Variants in CACNA1C observed in about 807,000 individuals in gnomAD.
CACNA1C encodes the protein voltage-dependent L-type calcium channel subunit alpha-1C.
A neutral mutation model predicts 229.0 loss-of-function variants in CACNA1C; 30 were observed. The observed-to-expected ratio is 0.13, with a 90% confidence interval of 0.10 to 0.18. The LOEUF (loss-of-function observed/expected upper bound fraction) is 0.18. Ranked by LOEUF, CACNA1C falls within the 10% of genes least tolerant of loss-of-function variation. The pLI, the probability that CACNA1C is intolerant of heterozygous loss-of-function variation, is 1.00. For synonymous variants in CACNA1C, 1,114 were observed against 1,132.5 expected (o/e 0.98, Z 0.33); for missense variants, 1,658 against 2,845.0 (o/e 0.58, Z 9.49).
rs531905361 is a variant in CACNA1C, at chr12:2,473,303, G to A, written c.758-12801G>A. Among the ~76,000 whole-genome samples, 18 of 152,178 alleles carry A rather than the reference G, an allele frequency of 1.2e-4. No homozygotes were observed. The East Asian group carries it at 3.3e-3, about 28-fold the overall frequency. On this transcript the variant is annotated intron_variant, in intron 5 of 46. Coordinates refer to ENST00000399655, the MANE Select transcript of CACNA1C (RefSeq NM_000719.7). ...ACTTCTAGGGCCCTGTATCTACCTC[G>A]CTGTCTCTTCTGGATGTCCCACCAC...
chr12:2,303,102 T>A (rs1416878931), intron 3 of CACNA1C, among the ~76,000 whole-genome samples: 1 of 152,264 alleles, frequency 6.6e-6, no homozygotes, highest in Non-Finnish European at 1.5e-5. Context: ...ATGTTCCCAG[T>A]CCAGAGGGAT....
At chr12:2,547,461 G>A in intron 9 of CACNA1C, 1 of 779,740 alleles carries the variant, frequency 1.3e-6, no homozygotes, top group Non-Finnish European at 2.4e-6. Flanking sequence ...AGGCACTCCG[G>A]CGGGCATGCT....
chr12:2,042,993 G>A (rs1052575297), intron 1 of CACNA1C, among the ~76,000 whole-genome samples: 54 of 152,306 alleles, frequency 3.5e-4, no homozygotes, highest in African/African-American at 1.3e-3. Flanking sequence ...AGAGGAAGAC[G>A]TGTTTTGGGG....
chr12:2,042,727 C>T (rs1010829402), intron 1 of CACNA1C, among the ~76,000 whole-genome samples: 2 of 152,218 alleles, frequency 1.3e-5, no homozygotes, highest in Non-Finnish European at 1.5e-5. Context: ...GCTCCAGGCT[C>T]TGCCCCGGGT....
intron 1 of CACNA1C, among the ~76,000 whole-genome samples, chr12:2,028,483 C>T (rs2047693916): frequency 6.6e-6 from 1 of 152,156 alleles, no homozygotes; most frequent in Non-Finnish European, 1.5e-5. Flanking sequence ...GAATACAGAT[C>T]TTCTATCAGT....
rs192139902 is a variant in CACNA1C, at chr12:1,984,662, A to G, written c.139+13461A>G. On this transcript the variant is annotated intron_variant, in intron 1 of 46. Transcript: ENST00000682462. ...AAATAAATCTTTTGTAATTACCCGTATATTTACTATTTCTGTTGTTCCTAC... is the reference window on the plus strand; with the variant it reads ...AAATAAATCTTTTGTAATTACCCGTGTATTTACTATTTCTGTTGTTCCTAC... Among the ~76,000 whole-genome samples the G allele has an allele frequency of 1.2e-3, 173 of 150,296 alleles. 1 individual carries two copies. Among genetic ancestry groups the G allele is most frequent in the Middle Eastern group, 3.5e-3 (1 of 288 alleles).
chr12:2,113,214 C>T (rs988780803), intron 1 of CACNA1C, among the ~76,000 whole-genome samples: 11 of 152,148 alleles, frequency 7.2e-5, no homozygotes, highest in Admixed American at 7.2e-4. Flanking sequence ...TGAGGTTGCT[C>T]GGGCTCTGCC....
chr12:2,047,739 G>A (rs2051327118), intron 1 of CACNA1C, among the ~76,000 whole-genome samples: 1 of 152,234 alleles, frequency 6.6e-6, no homozygotes, highest in South Asian at 2.1e-4. Flanking sequence ...CGTGAGTGAT[G>A]TGGAGGAAGG....
At chr12:2,192,102 G>A (rs777213953) in intron 3 of CACNA1C, among the ~76,000 whole-genome samples, 10 of 151,850 alleles carry the variant, frequency 6.6e-5, no homozygotes, top group Admixed American at 2.0e-4. Context: ...ACATGGGCGC[G>A]CACACACACA....
exon 1 of CACNA1C, chr12:1,970,927 G>A (rs2032021576): frequency 3.4e-5 from 13 of 377,494 alleles, no homozygotes; most frequent in South Asian, 2.6e-4. Flanking sequence ...ATACGATACG[G>A]CCATGTCAAC....
rs1160881733 is a variant in CACNA1C at position 2,606,969 on chromosome 12, C to T, written c.3210-15C>T. 3 of 1,612,624 alleles carry T rather than the reference C, an allele frequency of 1.9e-6. No individual in the cohort carries two copies. The Admixed American group carries it at 5.0e-5, about 27-fold the overall frequency. ...TGGGAGATCCCAGAGTAAACTCCTTCTCCTCCTCTCTCAGGGGCAACTACA... is the reference window on the plus strand; with the variant it reads ...TGGGAGATCCCAGAGTAAACTCCTTTTCCTCCTCTCTCAGGGGCAACTACA... On this transcript the variant is annotated splice_polypyrimidine_tract_variant and intron_variant, in intron 25 of 46. Coordinates refer to ENST00000399655, the MANE Select transcript of CACNA1C (RefSeq NM_000719.7).
Position 2,305,365 on chromosome 12 carries a change from G to A in CACNA1C, c.478-143611G>A, listed in dbSNP as rs377452826. On this transcript the variant is annotated intron_variant, in intron 3 of 46. Transcript: ENST00000399655. ...AGCAAAGTTTATGGTGCAGCCTCAGGTGGAGCCCAGGTCCCCTGGCTCCCA... is the reference window on the plus strand; with the variant it reads ...AGCAAAGTTTATGGTGCAGCCTCAGATGGAGCCCAGGTCCCCTGGCTCCCA... Among the ~76,000 whole-genome samples, 6 of 152,336 alleles carry A rather than the reference G, an allele frequency of 3.9e-5. No homozygotes were observed. The South Asian group carries it at 1.0e-3, about 26-fold the overall frequency.
intron 11 of CACNA1C, among the ~76,000 whole-genome samples, chr12:2,558,123 T>C (rs2045487974): frequency 1.3e-5 from 2 of 152,230 alleles, no homozygotes; most frequent in African/African-American, 4.8e-5. Context: ...TAAAGTGATT[T>C]GTCTCTCAGA....
chr12:2,606,713 A>G, intron 25 of CACNA1C, 50 bp downstream of exon 25: 10 of 1,515,776 alleles, frequency 6.6e-6, no homozygotes, highest in Non-Finnish European at 9.1e-6. Flanking sequence ...CAGCCCCAGG[A>G]GGCTGGAGGC....
intron 1 of CACNA1C, among the ~76,000 whole-genome samples, chr12:2,000,138 A>T (rs1207700872): frequency 1.3e-5 from 2 of 152,196 alleles, no homozygotes; most frequent in Admixed American, 1.3e-4. Context: ...GGCTGTCCCT[A>T]AAGTTTAACT....
At chr12:2,390,687 G>A (rs2098466258) in intron 3 of CACNA1C, among the ~76,000 whole-genome samples, 1 of 152,162 alleles carries the variant, frequency 6.6e-6, no homozygotes, top group African/African-American at 2.4e-5. Flanking sequence ...TTGGGGAATA[G>A]GGCTGCAGGA....
intron 3 of CACNA1C, among the ~76,000 whole-genome samples, chr12:2,177,350 A>G (rs1171900399): frequency 1.3e-5 from 2 of 152,198 alleles, no homozygotes; most frequent in African/African-American, 2.4e-5. Context: ...TTAAACAGCA[A>G]CTTCCTAAAT....
In CACNA1C at chr12:2,277,376, C is replaced by G. The variant is rs867343248; in HGVS notation, c.477+156946C>G. 8.3e-3 allele frequency among the ~76,000 whole-genome samples: 758 copies of G among 91,386 alleles called. 4 individuals are homozygous for G. The highest frequency in any genetic ancestry group is 0.028 in the African/African-American group (648 of 23,304). 60.0% of individuals were successfully genotyped at this position (91,386 alleles called of 152,430 possible). A position where few individuals can be genotyped will look rare whatever the true frequency, so the allele number is the denominator to read the frequency against. On this transcript the variant is annotated intron_variant, in intron 3 of 46. Transcript: ENST00000399655. ...ACAGACAGACAGACACACACACACA[C>G]ACACACACACACACACACACACACA...
In CACNA1C at chr12:2,597,350, C is replaced by T. The variant is rs981641631; in HGVS notation, c.2853+61C>T. On this transcript the variant is annotated intron_variant, in intron 21 of 46. Transcript: ENST00000399655. This position sits in a 1 kb window ranked among gnomAD's most constrained non-coding sequence, Gnocchi z 4.3. Reference sequence around the variant, plus strand: ...CCTTGTGCCAGCACCAGGTCTCTGCCGCTGTCTGTCGCTAACACACATGCT... The same window carrying T: ...CCTTGTGCCAGCACCAGGTCTCTGCTGCTGTCTGTCGCTAACACACATGCT... 2.9e-5 allele frequency: 43 copies of T among 1,484,208 alleles called. No individual in the cohort carries two copies. Among genetic ancestry groups the T allele is most frequent in the African/African-American group, 9.7e-5 (7 of 72,372 alleles). 91.9% of individuals were successfully genotyped at this position (1,484,208 alleles called of 1,614,324 possible). A position where few individuals can be genotyped will look rare whatever the true frequency, so the allele number is the denominator to read the frequency against.
Sources: allele counts gnomAD v4.1 joint callset (sites outside exome capture counted in the v4.1 genomes callset), GRCh38; gene constraint gnomAD v4.1.1; non-coding constraint Gnocchi (gnomAD v3.1); transcripts MANE v1.5; gene names NCBI Gene and HGNC (gene_info 2026-07-23, HGNC 2026-07-21).